SYNJ1: variants seen among roughly 807,000 people sequenced by gnomAD.
SYNJ1 encodes the protein polyphosphatidylinositol phosphatase SYNJ1.
Under a neutral mutation model 168.2 loss-of-function variants are expected in SYNJ1, and 78 were observed. That is an observed-to-expected ratio of 0.46 (90% CI 0.39 to 0.56). The LOEUF (loss-of-function observed/expected upper bound fraction) is 0.56, where lower values mean the gene tolerates loss of function less well. SYNJ1 is among the 20% of genes least tolerant of loss of function. The probability of loss-of-function intolerance (pLI) is 0.00; values close to 1 mark genes in which losing one functional copy is unlikely to be tolerated. For synonymous variants in SYNJ1, 539 were observed against 548.6 expected (o/e 0.98, Z 0.24); for missense variants, 1,303 against 1,597.6 (o/e 0.82, Z 3.14).
At chr21:32,634,206 T>G (rs2039464263) in intron 32 of SYNJ1, among the ~76,000 whole-genome samples, 1 of 152,188 alleles carries the variant, frequency 6.6e-6, no homozygotes, top group Non-Finnish European at 1.5e-5. Context: ...CAAAATAAGT[T>G]AATTTGATAG....
At chr21:32,723,087 C>G (rs2043308026) in intron 2 of SYNJ1, among the ~76,000 whole-genome samples, 1 of 152,218 alleles carries the variant, frequency 6.6e-6, no homozygotes, top group South Asian at 2.1e-4. Flanking sequence ...GTGACTGTAA[C>G]ACTGATAATG....
At chr21:32,647,374 G>A (rs893346744) in intron 23 of SYNJ1, among the ~76,000 whole-genome samples, 1 of 152,156 alleles carries the variant, frequency 6.6e-6, no homozygotes, top group Non-Finnish European at 1.5e-5. Context: ...ATCTTTCTGC[G>A]TGGCATCAAA....
chr21:32,679,313 A>C lies in SYNJ1; in HGVS notation c.1354-512T>G, dbSNP rs2041534053. On this transcript the variant is annotated intron_variant, in intron 11 of 32. Coordinates refer to ENST00000674351, the MANE Select transcript of SYNJ1 (RefSeq NM_203446.3). ...ATGAGTTAAAATTAAAACTAAACCT[A>C]AGAATGAAGGTCTAGTCTCAAAAGA... Among the ~76,000 whole-genome samples the C allele has an allele frequency of 3.3e-5, 5 of 152,192 alleles. No individual in the cohort carries two copies. The South Asian group carries it at 1.0e-3, about 32-fold the overall frequency.
intron 2 of SYNJ1, among the ~76,000 whole-genome samples, chr21:32,723,244 G>A (rs1307783730): frequency 6.6e-6 from 1 of 152,234 alleles, no homozygotes; most frequent in East Asian, 1.9e-4. Flanking sequence ...CTTTTGGTAT[G>A]TGCTAATAGT....
chr21:32,719,493 C>T (rs2043141034), intron 2 of SYNJ1, among the ~76,000 whole-genome samples: 1 of 152,176 alleles, frequency 6.6e-6, no homozygotes, highest in Non-Finnish European at 1.5e-5. Context: ...GTGGGCAGAT[C>T]ACCTGAGGTC....
intron 2 of SYNJ1, among the ~76,000 whole-genome samples, chr21:32,716,149 A>G (rs780940710): frequency 3.3e-5 from 5 of 152,194 alleles, no homozygotes; most frequent in Non-Finnish European, 5.9e-5. Context: ...ATCATGCACA[A>G]TTTTTAAAAC....
chr21:32,655,560 G>A (rs962088337), intron 21 of SYNJ1, among the ~76,000 whole-genome samples: 4 of 152,024 alleles, frequency 2.6e-5, no homozygotes, highest in Non-Finnish European at 4.4e-5. Flanking sequence ...TGTGGACTAC[G>A]CCCTTTAGGA....
chr21:32,706,140 C>G (rs1442397846), intron 2 of SYNJ1, among the ~76,000 whole-genome samples: 1 of 152,096 alleles, frequency 6.6e-6, no homozygotes, highest in Non-Finnish European at 1.5e-5. Context: ...TCAGACAGAC[C>G]CAAAGTGAGG....
At position 32,644,536 on chromosome 21, in the gene SYNJ1, C is replaced by T. The variant is rs138918457; in HGVS notation, c.3430+432G>A. On this transcript the variant is annotated intron_variant, in intron 26 of 32. Transcript: ENST00000674351. ...TGAGCTCTGTGAGTTTTCATGTAAA[C>T]CAAATAAACTATACTTCAAACAAAA... is the stretch of plus-strand genomic sequence containing the variant. Among the ~76,000 whole-genome samples, 618 of 152,200 alleles carry T rather than the reference C, an allele frequency of 4.1e-3. 3 individuals are homozygous for T. The highest frequency in any genetic ancestry group is 6.9e-3 in the Non-Finnish European group (467 of 68,012).
In SYNJ1 at chr21:32,713,254, ATCAACATGGATGATTTCCCATATG is replaced by A. The variant is rs2146318158; in HGVS notation, c.125-11231_125-11208del. On this transcript the variant is annotated intron_variant, in intron 2 of 32. Transcript: ENST00000674351. ...TGTCAACATGGATGATTTCCCATAT[ATCAACATGGATGATTTCCCATATG>A]TCAACATGGATGATTTCCCATATAT... is the stretch of plus-strand genomic sequence containing the variant. Among the ~76,000 whole-genome samples, 3 of 134,082 alleles carry A rather than the reference ATCAACATGGATGATTTCCCATATG, an allele frequency of 2.2e-5. No individual in the cohort carries two copies. In the East Asian group the frequency reaches 6.6e-4, roughly 30 times the overall value. 88.0% of individuals were successfully genotyped at this position (134,082 alleles called of 152,430 possible). A position where few individuals can be genotyped will look rare whatever the true frequency, so the allele number is the denominator to read the frequency against.
At chr21:32,684,568 C>T (rs1350657598) in intron 9 of SYNJ1, among the ~76,000 whole-genome samples, 2 of 152,124 alleles carry the variant, frequency 1.3e-5, no homozygotes, top group African/African-American at 4.8e-5. Context: ...TTTCCCTTAA[C>T]CTATATTCTG....
At chr21:32,671,343 GAACT>G (rs960671389) in intron 14 of SYNJ1, among the ~76,000 whole-genome samples, 16 of 151,794 alleles carry the variant, frequency 1.1e-4, no homozygotes, top group African/African-American at 2.4e-4. Flanking sequence ...TAAATAGTCT[GAACT>G]AACACTGAAA....
chr21:32,647,579 A>G (rs961663002), intron 23 of SYNJ1, among the ~76,000 whole-genome samples: 1 of 152,222 alleles, frequency 6.6e-6, no homozygotes, highest in Admixed American at 6.5e-5. Flanking sequence ...TTTCTTCAGA[A>G]GCCAGGGTTT....
chr21:32,725,402 C>T (rs2043409142), intron 2 of SYNJ1, among the ~76,000 whole-genome samples: 1 of 152,086 alleles, frequency 6.6e-6, no homozygotes, highest in Non-Finnish European at 1.5e-5. Context: ...ATACAAAAAA[C>T]AACTTGAAGC....
At chr21:32,690,462 A>G (rs577041032) in intron 6 of SYNJ1, among the ~76,000 whole-genome samples, 119 of 152,300 alleles carry the variant, frequency 7.8e-4, no homozygotes, top group African/African-American at 2.8e-3. Flanking sequence ...TCCTCCCATC[A>G]TGGCCTCCTA....
intron 4 of SYNJ1, among the ~76,000 whole-genome samples, chr21:32,697,128 G>A (rs2042240582): frequency 6.6e-6 from 1 of 152,128 alleles, no homozygotes; most frequent in Admixed American, 6.5e-5. Context: ...TTTCTTTGCT[G>A]TCAGTGTGTC....
intron 7 of SYNJ1, 21 bp downstream of exon 7, chr21:32,688,285 A>G: frequency 1.2e-6 from 2 of 1,609,090 alleles, no homozygotes; most frequent in Non-Finnish European, 1.7e-6. Flanking sequence ...AACTTAAAGC[A>G]CTATGTAAAA....
chr21:32,674,623 GT>G (rs3989187), intron 13 of SYNJ1, among the ~76,000 whole-genome samples: 66,828 of 140,558 alleles, frequency 0.48, 15,440 homozygotes, highest in East Asian at 0.55. Context: ...AATCTCTCCC[GT>G]TTTTTTTTTT....
chr21:32,636,944 G>C (rs966258879), intron 31 of SYNJ1, among the ~76,000 whole-genome samples: 1 of 151,890 alleles, frequency 6.6e-6, no homozygotes, highest in Non-Finnish European at 1.5e-5. Context: ...AATCTAAGGG[G>C]GCACACACAA....
Sources: gnomAD v4.1 joint callset for allele counts (sites outside exome capture counted in the v4.1 genomes callset) on GRCh38, gnomAD v4.1.1 for gene constraint, MANE v1.5 for transcripts, NCBI Gene and HGNC (gene_info 2026-07-23, HGNC 2026-07-21) for gene names.